NCMAP: variants seen among roughly 807,000 people sequenced by gnomAD.
NCMAP encodes noncompact myelin-associated protein.
NCMAP carries 8 observed loss-of-function variants against 7.8 expected under a neutral mutation model. The ratio of observed to expected loss-of-function variants is 1.02; its 90% CI spans 0.60 to 1.84. The LOEUF is 1.84. Ranked by LOEUF, NCMAP falls within the 40% of genes most tolerant of loss-of-function variation. The probability of loss-of-function intolerance (pLI) is 0.00; values close to 1 mark genes in which losing one functional copy is unlikely to be tolerated. For synonymous variants in NCMAP, 41 were observed against 52.9 expected, an observed-to-expected ratio of 0.78 and a Z score of 0.98; for missense variants, 112 against 131.4, an observed-to-expected ratio of 0.85 and a Z score of 0.72.
At chr1:24,597,116 G>A (rs1181435844) in intron 2 of NCMAP, among the ~76,000 whole-genome samples, 1 of 152,198 alleles carries the variant, frequency 6.6e-6, no homozygotes, top group Non-Finnish European at 1.5e-5. Context: ...ACAGAGGCCT[G>A]AGGAGGTGTG....
intron 1 of NCMAP, among the ~76,000 whole-genome samples, chr1:24,592,709 G>A (rs1174715932): frequency 6.6e-6 from 1 of 152,012 alleles, no homozygotes; most frequent in African/African-American, 2.4e-5. Flanking sequence ...ATGAGGTCAG[G>A]AGATCGAGAC....
chr1:24,572,485 T>G (rs1299004228), intron 1 of NCMAP, among the ~76,000 whole-genome samples: 1 of 150,612 alleles, frequency 6.6e-6, no homozygotes, highest in African/African-American at 2.5e-5. Flanking sequence ...GATATGGTTC[T>G]GGGCAGCTCA....
intron 1 of NCMAP, among the ~76,000 whole-genome samples, chr1:24,573,971 A>AAAAAAAAAAAAAAAAAAAAAAAAAAC (rs1337931415): frequency 1.5e-5 from 2 of 137,490 alleles, no homozygotes; most frequent in African/African-American, 5.9e-5. Context: ...AAAAAAAAAA[A>AAAAAAAAAAAAAAAAAAAAAAAAAAC]CAGAAAAAAG....
At chr1:24,605,483 C>G in intron 3 of NCMAP, 123 bp from the exon 4 acceptor site, 1 of 1,135,790 alleles carries the variant, frequency 8.8e-7, no homozygotes, top group Non-Finnish European at 1.2e-6. Context: ...GGCAAGTAAG[C>G]AATGTGATTT....
chr1:24,598,417 G>A (rs1201255278), intron 2 of NCMAP, among the ~76,000 whole-genome samples: 1 of 151,954 alleles, frequency 6.6e-6, no homozygotes, highest in Non-Finnish European at 1.5e-5. Context: ...AAGGGGACCT[G>A]CTATTCTGAC....
rs1444242586 is a variant in NCMAP, at chr1:24,574,231, G to T, written c.-8+18062G>T. Among the ~76,000 whole-genome samples the T allele has an allele frequency of 1.3e-5, 2 of 150,288 alleles. 1 individual carries two copies. Among genetic ancestry groups the T allele is most frequent in the African/African-American group, 5.0e-5 (2 of 39,700 alleles). The stretch of plus-strand genomic sequence containing the variant: ...CTTCCTGGGTTGAAGTGATTCTCCT[G>T]CCTCAGACTGCTGAGTAGCTGGAAT... On this transcript the variant is annotated intron_variant, in intron 1 of 3. Transcript: ENST00000374392.
chr1:24,607,291 G>A lies in NCMAP; in HGVS notation c.*1544G>A, dbSNP rs1486429314. 2.0e-5 allele frequency: 3 copies of A among 151,834 alleles called. No homozygotes were observed. Among genetic ancestry groups the A allele is most frequent in the Non-Finnish European group, 4.4e-5 (3 of 67,980 alleles). The allele number at this position is 151,834 out of a possible 1,614,324, so 9.4% of individuals were successfully genotyped here. On this transcript the variant is annotated 3_prime_UTR_variant, in exon 4 of 4. Coordinates refer to ENST00000374392, the MANE Select transcript of NCMAP (RefSeq NM_001010980.5). Reference sequence around the variant, plus strand: ...GCTGGGATTACAGGCATGGACTATGGTGCCCAGCCTAGGAGCCAACATTAT... The same window carrying A: ...GCTGGGATTACAGGCATGGACTATGATGCCCAGCCTAGGAGCCAACATTAT...
intron 1 of NCMAP, among the ~76,000 whole-genome samples, chr1:24,571,579 TCA>T (rs1185339901): frequency 2.0e-5 from 3 of 150,494 alleles, no homozygotes; most frequent in African/African-American, 7.5e-5. Flanking sequence ...GAAAAAAACT[TCA>T]TATATATACT....
intron 2 of NCMAP, among the ~76,000 whole-genome samples, chr1:24,598,788 C>A: frequency 6.6e-6 from 1 of 151,610 alleles, no homozygotes; most frequent in East Asian, 2.0e-4. Context: ...CAGGCTTGTA[C>A]CACCAGGCCC....
At chr1:24,603,843 T>C (rs1007697316) in intron 3 of NCMAP, among the ~76,000 whole-genome samples, 3 of 152,224 alleles carry the variant, frequency 2.0e-5, no homozygotes, top group African/African-American at 4.8e-5. Context: ...AATTAGTCAA[T>C]TGTTCTGTGA....
chr1:24,605,317 G>A (rs1652684683), intron 3 of NCMAP, among the ~76,000 whole-genome samples: 1 of 152,012 alleles, frequency 6.6e-6, no homozygotes, highest in Non-Finnish European at 1.5e-5. Flanking sequence ...CATAAAAAAT[G>A]TAATATCTTT....
intron 3 of NCMAP, 45 bp downstream of exon 3, chr1:24,601,069 G>GCT: frequency 6.6e-7 from 1 of 1,524,176 alleles, no homozygotes; most frequent in Non-Finnish European, 9.1e-7. Context: ...GGTCCCTTCA[G>GCT]TGACATCAGA....
rs570090131 is a variant in NCMAP at position 24,605,907 on chromosome 1, G to C, written c.*160G>C. 2 of 847,878 alleles carry C rather than the reference G, an allele frequency of 2.4e-6. No individual in the cohort carries two copies. Among genetic ancestry groups the C allele is most frequent in the Non-Finnish European group, 3.6e-6 (2 of 559,360 alleles). 52.5% of individuals were successfully genotyped at this position (847,878 alleles called of 1,614,324 possible). On this transcript the variant is annotated 3_prime_UTR_variant, in exon 4 of 4. Transcript: ENST00000374392. ...GATGCTTCCAGCAATCCTCAACCTT[G>C]TCTGCCCTGCCCTACCCCAACTGTG...
rs113438005 is a variant in NCMAP, at chr1:24,605,655, G to T, written c.217G>T (p.Ala73Ser). 115 of 1,614,066 alleles carry T rather than the reference G, an allele frequency of 7.1e-5. No individual in the cohort carries two copies. The highest frequency in any genetic ancestry group is 9.4e-5 in the Non-Finnish European group (111 of 1,180,034). Residue 73 changes from alanine to serine, a missense_variant, in exon 4 of 4, where the codon GCC (alanine) becomes TCC (serine). Transcript: ENST00000374392. The part of the protein sequence containing the change: ...ELEPKGPKPT[A>S]PSAVGPNSNG... ...AGAGCCCAAGGGCCCCAAGCCAACC[G>T]CCCCTTCTGCCGTGGGCCCAAACAG...
intron 1 of NCMAP, among the ~76,000 whole-genome samples, chr1:24,593,045 G>A (rs1019774432): frequency 3.3e-5 from 5 of 152,168 alleles, no homozygotes; most frequent in African/African-American, 7.2e-5. Flanking sequence ...GGATGTGGTC[G>A]TGGGCCCTTG....
intron 1 of NCMAP, among the ~76,000 whole-genome samples, chr1:24,574,366 A>ACCTG (rs1206753055): frequency 0.015 from 2,212 of 147,618 alleles, 118 homozygotes; most frequent in African/African-American, 0.057. Flanking sequence ...TTATCTGCCC[A>ACCTG]CCTCGGCCTC....
chr1:24,558,194 T>C (rs1006699390), intron 1 of NCMAP, among the ~76,000 whole-genome samples: 3 of 152,324 alleles, frequency 2.0e-5, no homozygotes, highest in African/African-American at 7.2e-5. Context: ...GGGGCCAAGT[T>C]CGAAGCTTCT....
intron 3 of NCMAP, among the ~76,000 whole-genome samples, chr1:24,604,573 TAAAAAAAAAAAA>T (rs1159689184): frequency 1.4e-3 from 15 of 11,044 alleles, no homozygotes; most frequent in African/African-American, 1.8e-3. Context: ...TAAGACTGTC[TAAAAAAAAAAAA>T]AAAAAAAAAA....
intron 2 of NCMAP, among the ~76,000 whole-genome samples, chr1:24,597,599 AAGAAAGAAAGAAAGAAAG>A (rs1447265151): frequency 2.1e-4 from 19 of 91,702 alleles, no homozygotes; most frequent in African/African-American, 9.4e-4. Context: ...AGAAAGAAGA[AAGAAAGAAAGAAAGAAAG>A]AGAAAGAAAG....
Sources: gnomAD v4.1 joint callset for allele counts (sites outside exome capture counted in the v4.1 genomes callset) on GRCh38, gnomAD v4.1.1 for gene constraint, MANE v1.5 for transcripts, NCBI Gene and HGNC (gene_info 2026-07-23, HGNC 2026-07-21) for gene names.